The following FAM120A variants were observed in gnomAD, a reference collection of about 807,000 sequenced individuals.
The protein encoded by FAM120A is constitutive coactivator of PPAR-gamma-like protein 1.
FAM120A carries 15 observed loss-of-function variants against 109.7 expected under a neutral mutation model. The ratio of observed to expected loss-of-function variants is 0.14; its 90% CI spans 0.09 to 0.21. The LOEUF (loss-of-function observed/expected upper bound fraction) is 0.21, where lower values mean the gene tolerates loss of function less well. Ranked by LOEUF, FAM120A falls within the 10% of genes least tolerant of loss-of-function variation. FAM120A has a pLI of 1.00. For synonymous variants in FAM120A, 493 were observed against 572.8 expected (o/e 0.86, Z 1.99); for missense variants, 899 against 1,439.3 (o/e 0.62, Z 6.07).
intron 5 of FAM120A, among the ~76,000 whole-genome samples, chr9:93,502,374 T>C (rs16909199): frequency 0.28 from 42,545 of 151,996 alleles, 7,049 homozygotes; most frequent in East Asian, 0.44. Flanking sequence ...GCATCTTAAT[T>C]GGGCCTTAGG....
chr9:93,471,136 G>C lies in FAM120A; in HGVS notation c.475-5G>C. 6.2e-7 allele frequency: 1 copy of C among 1,612,322 alleles called. No homozygotes were observed. Among genetic ancestry groups the C allele is most frequent in the Non-Finnish European group, 8.5e-7 (1 of 1,179,210 alleles). The stretch of plus-strand genomic sequence containing the variant: ...ATCTGATGAAGTTTTTTTCTCGTTT[G>C]CCAGGTTGCACAGAGCATTGAGGAT... On this transcript the variant is annotated splice_region_variant and splice_polypyrimidine_tract_variant and intron_variant, in intron 1 of 17. Transcript: ENST00000277165.
In FAM120A at chr9:93,532,419, G is replaced by A. The variant is rs780494684; in HGVS notation, c.1909+90G>A. The stretch of plus-strand genomic sequence containing the variant: ...AAAGCCTTAGAAGAATCATGACTGA[G>A]TTGACCCCGAGTGCCTCTGTGTAAA... On this transcript the variant is annotated intron_variant, in intron 10 of 17. Coordinates refer to ENST00000277165, the MANE Select transcript of FAM120A (RefSeq NM_014612.5). The surrounding 1 kb of genome is among the most constrained non-coding windows in gnomAD (Gnocchi z 4.3). The A allele has an allele frequency of 6.8e-7, 1 of 1,473,902 alleles. No individual in the cohort carries two copies. The highest frequency in any genetic ancestry group is 9.5e-7 in the Non-Finnish European group (1 of 1,056,320). 91.3% of individuals were successfully genotyped at this position (1,473,902 alleles called of 1,614,324 possible).
At chr9:93,555,087 A>C (rs939233005) in intron 12 of FAM120A, among the ~76,000 whole-genome samples, 2 of 152,068 alleles carry the variant, frequency 1.3e-5, no homozygotes. Context: ...CATTTTCTCC[A>C]TTTTGTTCTA....
chr9:93,481,206 A>G (rs1411533177), intron 3 of FAM120A, among the ~76,000 whole-genome samples: 1 of 152,246 alleles, frequency 6.6e-6, no homozygotes, highest in East Asian at 1.9e-4. Context: ...GGCTGTAGAC[A>G]TGTGCTAAGT....
In FAM120A at chr9:93,452,786, TC is replaced by T. The variant is rs2131169882; in HGVS notation, c.474+400del. 12 of 1,593,170 alleles carry T rather than the reference TC, an allele frequency of 7.5e-6. No homozygotes were observed. The East Asian group carries it at 2.7e-4, about 36-fold the overall frequency. ...CCCTTTTCTAATTTAGCCTGTTCTT[TC>T]CCAGCAACAGGTTCATCTTGGAAGC... On this transcript the variant is annotated intron_variant, in intron 1 of 17. Transcript: ENST00000277165. The surrounding 1 kb of genome is among the most constrained non-coding windows in gnomAD (Gnocchi z 7.0).
rs1030991599 is a variant in FAM120A, at chr9:93,498,497, C to T, written c.934-293C>T. Among the ~76,000 whole-genome samples, 2 of 152,170 alleles carry T rather than the reference C, an allele frequency of 1.3e-5. No individual in the cohort carries two copies. The highest frequency in any genetic ancestry group is 4.8e-5 in the African/African-American group (2 of 41,446). ...GCTTGAGATTCCTCTCTGGGCAGGA[C>T]CAGAGACCGAGCAGAGTGGAAGTCA... On this transcript the variant is annotated intron_variant, in intron 4 of 17. Transcript: ENST00000277165. The surrounding 1 kb of genome is among the most constrained non-coding windows in gnomAD (Gnocchi z 4.4).
At chr9:93,548,872 G>A (rs1300221148) in intron 11 of FAM120A, among the ~76,000 whole-genome samples, 6 of 151,988 alleles carry the variant, frequency 3.9e-5, no homozygotes, top group Non-Finnish European at 8.8e-5. Flanking sequence ...GTGAAACCCT[G>A]TCTCTACTAA....
At chr9:93,482,184 ATT>A (rs386415495) in intron 3 of FAM120A, among the ~76,000 whole-genome samples, 36 of 118,308 alleles carry the variant, frequency 3.0e-4, no homozygotes, top group Non-Finnish European at 3.2e-4. Context: ...ATTCACCTCC[ATT>A]TTTTTTTTTT....
intron 3 of FAM120A, among the ~76,000 whole-genome samples, chr9:93,493,747 T>G (rs1859442862): frequency 6.6e-6 from 1 of 152,196 alleles, no homozygotes; most frequent in South Asian, 2.1e-4. Context: ...AGTGTCCTCC[T>G]GGGGGCTTTC....
intron 2 of FAM120A, among the ~76,000 whole-genome samples, chr9:93,475,813 G>A (rs61707921): frequency 0.51 from 77,268 of 151,974 alleles, 19,873 homozygotes; most frequent in East Asian, 0.61. Flanking sequence ...GCTAAGAAAG[G>A]TTTTATAATT....
intron 3 of FAM120A, among the ~76,000 whole-genome samples, chr9:93,483,590 T>C (rs1480397825): frequency 6.6e-6 from 1 of 152,180 alleles, no homozygotes; most frequent in Non-Finnish European, 1.5e-5. Flanking sequence ...TACAGAAATA[T>C]GTCATGTGAA....
intron 15 of FAM120A, 94 bp downstream of exon 15, chr9:93,558,812 C>T (rs1193501667): frequency 2.6e-5 from 37 of 1,420,460 alleles, no homozygotes; most frequent in Non-Finnish European, 3.5e-5. Context: ...TCCTCATGAG[C>T]CCCTCCTCCA....
intron 1 of FAM120A, among the ~76,000 whole-genome samples, chr9:93,469,981 A>G (rs984491239): frequency 6.6e-6 from 1 of 152,190 alleles, no homozygotes; most frequent in Non-Finnish European, 1.5e-5. Context: ...GTGCTGTCCA[A>G]TTAGTATGTT....
chr9:93,502,751 T>G (rs1219687111), intron 5 of FAM120A, among the ~76,000 whole-genome samples: 1 of 152,208 alleles, frequency 6.6e-6, no homozygotes, highest in Non-Finnish European at 1.5e-5. Context: ...TGATTTGTTC[T>G]TTCTGTCTCA....
chr9:93,461,448 A>C (rs1438339362), intron 1 of FAM120A, among the ~76,000 whole-genome samples: 1 of 152,174 alleles, frequency 6.6e-6, no homozygotes, highest in East Asian at 1.9e-4. Flanking sequence ...AATAGTATCA[A>C]CCTGTGGTTC....
In FAM120A at chr9:93,452,533, G is replaced by A; in HGVS notation, c.474+144G>A. ...CCCTTGCCCGGGATAGCCTGGCCGG[G>A]CCGGGCTGCAAGATGGATGGCCGCG... On this transcript the variant is annotated intron_variant, in intron 1 of 17. Coordinates refer to ENST00000277165, the MANE Select transcript of FAM120A (RefSeq NM_014612.5). The surrounding 1 kb of genome is among the most constrained non-coding windows in gnomAD (Gnocchi z 7.0). The A allele has an allele frequency of 6.4e-7, 1 of 1,563,262 alleles. No individual in the cohort carries two copies. The highest frequency in any genetic ancestry group is 2.3e-5 in the East Asian group (1 of 42,998).
chr9:93,504,265 C>T (rs1484436344), intron 5 of FAM120A, among the ~76,000 whole-genome samples: 4 of 152,056 alleles, frequency 2.6e-5, no homozygotes, highest in South Asian at 2.1e-4. Context: ...ATGCTGAGAG[C>T]GGCAGTGCAG....
At chr9:93,465,419 CCT>C (rs1857974458) in intron 1 of FAM120A, among the ~76,000 whole-genome samples, 1 of 152,154 alleles carries the variant, frequency 6.6e-6, no homozygotes, top group Non-Finnish European at 1.5e-5. Flanking sequence ...AACTGGACTA[CCT>C]GTGGGAAGAT....
chr9:93,556,072 T>C (rs1862271215), intron 12 of FAM120A, among the ~76,000 whole-genome samples: 1 of 152,254 alleles, frequency 6.6e-6, no homozygotes, highest in Non-Finnish European at 1.5e-5. Context: ...CACACATCAT[T>C]GCTCATTTTG....
Sources: allele counts gnomAD v4.1 joint callset (sites outside exome capture counted in the v4.1 genomes callset), GRCh38; gene constraint gnomAD v4.1.1; non-coding constraint Gnocchi (gnomAD v3.1); transcripts MANE v1.5; gene names NCBI Gene and HGNC (gene_info 2026-07-23, HGNC 2026-07-21).